Variants in DPP10 observed in about 807,000 individuals in gnomAD.
DPP10 encodes the protein dipeptidyl peptidase like 10.
In DPP10, 33 loss-of-function variants were observed where a neutral mutation model predicts 120.9. The observed-to-expected ratio is 0.27, with a 90% CI of 0.21 to 0.37. The LOEUF is 0.37. Among genes scored for constraint, DPP10 ranks in the 10% least tolerant of loss-of-function variants. DPP10 has a pLI of 1.00. For missense variants in DPP10, 816 were observed against 942.8 expected, an observed-to-expected ratio of 0.87 and a Z score of 1.76; for synonymous variants, 337 against 326.1, an observed-to-expected ratio of 1.03 and a Z score of -0.36.
At chr2:115,356,093 A>G (rs2106328824) in intron 3 of DPP10, among the ~76,000 whole-genome samples, 1 of 152,294 alleles carries the variant, frequency 6.6e-6, no homozygotes, top group Admixed American at 6.5e-5. Flanking sequence ...TTCTGTGAAG[A>G]AAGTCAATGG....
intron 1 of DPP10, among the ~76,000 whole-genome samples, chr2:115,132,997 T>C (rs2050436394): frequency 6.6e-6 from 1 of 151,446 alleles, no homozygotes; most frequent in South Asian, 2.1e-4. Flanking sequence ...TGTTGGAAGC[T>C]ATCTTATAGT....
At chr2:115,382,049 G>A (rs1286127675) in intron 3 of DPP10, among the ~76,000 whole-genome samples, 1 of 152,212 alleles carries the variant, frequency 6.6e-6, no homozygotes, top group African/African-American at 2.4e-5. Context: ...TACAGAGGCA[G>A]GCAGGCCTCC....
At chr2:114,614,660 TTTGC>T (rs1356237460) in intron 1 of DPP10, among the ~76,000 whole-genome samples, 1 of 152,192 alleles carries the variant, frequency 6.6e-6, no homozygotes, top group Non-Finnish European at 1.5e-5. Flanking sequence ...ATTATATCAG[TTTGC>T]TTACGCAATT....
chr2:115,335,468 A>G (rs769480758), intron 2 of DPP10, among the ~76,000 whole-genome samples: 7 of 152,040 alleles, frequency 4.6e-5, no homozygotes, highest in Non-Finnish European at 8.8e-5. Flanking sequence ...CTCAAATGAC[A>G]TAAATTTAGA....
Position 115,705,626 on chromosome 2 carries a change from A to G in DPP10, c.576+15705A>G, listed in dbSNP as rs2092073105. ...AGGGAAACCACTAGGGAGTGAAGCC[A>G]AACAATTTACACTATTAATATCAAG... On this transcript the variant is annotated intron_variant, in intron 7 of 25. Coordinates refer to ENST00000410059, the MANE Select transcript of DPP10 (RefSeq NM_020868.6). Among the ~76,000 whole-genome samples the G allele has an allele frequency of 2.0e-5, 3 of 152,000 alleles. No homozygotes were observed. The South Asian group carries it at 6.2e-4, about 31-fold the overall frequency.
At chr2:114,888,905 C>T (rs924141583) in intron 1 of DPP10, among the ~76,000 whole-genome samples, 3 of 152,124 alleles carry the variant, frequency 2.0e-5, no homozygotes, top group Non-Finnish European at 4.4e-5. Flanking sequence ...TGAATTGTGC[C>T]CCTCCCAAAT....
chr2:115,274,283 A>G (rs967997115), intron 1 of DPP10, among the ~76,000 whole-genome samples: 4 of 152,198 alleles, frequency 2.6e-5, no homozygotes, highest in African/African-American at 7.2e-5. Context: ...AAACTTTACT[A>G]TTATGAACCC....
At chr2:114,917,583 C>G (rs1254453792) in intron 1 of DPP10, among the ~76,000 whole-genome samples, 1 of 152,072 alleles carries the variant, frequency 6.6e-6, no homozygotes, top group Non-Finnish European at 1.5e-5. Context: ...GTAAGCAAAA[C>G]AGCATGGTAT....
At chr2:114,844,338 G>A (rs959841882) in intron 1 of DPP10, among the ~76,000 whole-genome samples, 7 of 151,552 alleles carry the variant, frequency 4.6e-5, no homozygotes, top group African/African-American at 7.3e-5. Context: ...AGACGACAGC[G>A]GTCAGAATAA....
chr2:115,598,668 G>T (rs2083133161), intron 5 of DPP10, among the ~76,000 whole-genome samples: 1 of 151,380 alleles, frequency 6.6e-6, no homozygotes, highest in African/African-American at 2.4e-5. Flanking sequence ...TGCTTTAAAG[G>T]GTAAATTATA....
intron 1 of DPP10, among the ~76,000 whole-genome samples, chr2:114,943,048 T>C (rs886198814): frequency 2.0e-5 from 3 of 152,058 alleles, no homozygotes; most frequent in African/African-American, 7.2e-5. Flanking sequence ...ATCCCTCCTC[T>C]AGCCCTCCAC....
intron 3 of DPP10, among the ~76,000 whole-genome samples, chr2:115,447,770 A>C (rs912299476): frequency 6.6e-6 from 1 of 152,192 alleles, no homozygotes; most frequent in African/African-American, 2.4e-5. Flanking sequence ...TGCGTCAATT[A>C]AACCTCTTTC....
intron 1 of DPP10, among the ~76,000 whole-genome samples, chr2:114,932,015 G>A (rs1696107029): frequency 6.6e-6 from 1 of 152,200 alleles, no homozygotes; most frequent in African/African-American, 2.4e-5. Context: ...GGATAGGCTA[G>A]TTTAAGCCAA....
chr2:114,641,365 T>C (rs1241315397), intron 1 of DPP10, among the ~76,000 whole-genome samples: 1 of 151,816 alleles, frequency 6.6e-6, no homozygotes, highest in Non-Finnish European at 1.5e-5. Flanking sequence ...CTTCCCAGGG[T>C]TAGAGGCAAT....
chr2:115,812,390 A>C (rs1686739510), intron 19 of DPP10, among the ~76,000 whole-genome samples: 1 of 152,192 alleles, frequency 6.6e-6, no homozygotes, highest in South Asian at 2.1e-4. Flanking sequence ...CATACTAGAA[A>C]TTATGCTAGG....
intron 5 of DPP10, among the ~76,000 whole-genome samples, chr2:115,542,925 T>A (rs2079258130): frequency 6.6e-6 from 1 of 151,978 alleles, no homozygotes; most frequent in Non-Finnish European, 1.5e-5. Flanking sequence ...ATTTTATCTT[T>A]TAAAAAGATT....
chr2:115,166,564 A>C (rs1185546212), intron 1 of DPP10, among the ~76,000 whole-genome samples: 1 of 146,994 alleles, frequency 6.8e-6, no homozygotes. Flanking sequence ...ATATTATATA[A>C]ATTTATAATA....
At chr2:114,533,568 G>T (rs751407489) in intron 1 of DPP10, among the ~76,000 whole-genome samples, 2 of 151,666 alleles carry the variant, frequency 1.3e-5, no homozygotes, top group East Asian at 1.9e-4. Context: ...TATGGCACAC[G>T]TTTACCTGTG....
chr2:114,491,458 C>G (rs1007348285), intron 1 of DPP10, among the ~76,000 whole-genome samples: 2 of 152,160 alleles, frequency 1.3e-5, no homozygotes, highest in Non-Finnish European at 2.9e-5. Flanking sequence ...TACTTCCTTT[C>G]TTTGCATCTC....
Sources: gnomAD v4.1 joint callset for allele counts (sites outside exome capture counted in the v4.1 genomes callset) on GRCh38, gnomAD v4.1.1 for gene constraint, MANE v1.5 for transcripts, NCBI Gene and HGNC (gene_info 2026-07-23, HGNC 2026-07-21) for gene names.